The following U2SURP variants were observed in gnomAD, a reference collection of about 807,000 sequenced individuals.
The protein encoded by U2SURP is U2 snRNP associated SURP domain containing, also known as U2 snRNP-associated SURP motif-containing protein.
A neutral mutation model predicts 144.9 loss-of-function variants in U2SURP; 9 were observed. That is an observed-to-expected ratio of 0.06 (90% CI 0.04 to 0.11). U2SURP has a LOEUF of 0.11. U2SURP is among the 10% of genes least tolerant of loss of function. U2SURP has a pLI of 1.00. For missense variants in U2SURP, 724 were observed against 1,226.7 expected (o/e 0.59, Z 6.12); for synonymous variants, 408 against 396.8 (o/e 1.03, Z -0.33).
chr3:143,036,554 A>C (rs920151588), intron 20 of U2SURP, among the ~76,000 whole-genome samples: 1 of 152,124 alleles, frequency 6.6e-6, no homozygotes, highest in Admixed American at 6.6e-5. Context: ...TAATTCTGCC[A>C]TGCTAGTCAA....
chr3:143,051,003 G>C lies in U2SURP; in HGVS notation c.2609G>C (p.Ser870Thr). ...SGKRPKKPGQSFQEQVEHYRD... is the reference protein window; with the variant it reads ...SGKRPKKPGQTFQEQVEHYRD... ...AAAAGACCTAAAAAACCAGGCCAGA[G>C]TTTTCAGGAGCAAGTAGAACACTAC... Residue 870 changes from serine (S) to threonine (T), a missense_variant, in exon 25 of 28, where the codon AGT (serine) becomes ACT (threonine). By Grantham distance (58) the Ser-to-Thr change is moderately conservative. This residue lies in a region of U2SURP where 129 missense variants were observed against 196.1 expected (regional missense o/e 0.66). Transcript: ENST00000473835. 2 of 1,613,240 alleles carry C rather than the reference G, an allele frequency of 1.2e-6. No homozygotes were observed. Among genetic ancestry groups the C allele is most frequent in the South Asian group, 1.1e-5 (1 of 90,904 alleles).
chr3:143,054,861 A>G (rs1292672171), intron 26 of U2SURP, 82 bp from the exon 27 acceptor site: 35 of 1,381,450 alleles, frequency 2.5e-5, no homozygotes, highest in Middle Eastern at 3.8e-4. Flanking sequence ...GCTGGTAGCA[A>G]TTAATAGCTA....
At position 143,038,944 on chromosome 3, in the gene U2SURP, G is replaced by A. The variant is rs1375802680; in HGVS notation, c.2368G>A (p.Glu790Lys). The change falls in exon 23 of 28, where the codon GAA (glutamate) becomes AAA (lysine). Residue 790 changes from glutamate to lysine, a missense_variant. By Grantham distance (56) the Glu-to-Lys change is moderately conservative. Coordinates refer to ENST00000473835, the MANE Select transcript of U2SURP (RefSeq NM_001080415.2). ...ATTTGACCAGCATGAAGAATCAGAA[G>A]AAGAAGAAAATCAAAAGTAAGAATC... ...ELFDQHEESE[E>K]EENQNQEEES... 6.5e-7 allele frequency: 1 copy of A among 1,538,512 alleles called. No individual in the cohort carries two copies.
chr3:143,032,701 A>ACTT, intron 16 of U2SURP, 83 bp from the exon 17 acceptor site: 1 of 1,274,980 alleles, frequency 7.8e-7, no homozygotes, highest in Non-Finnish European at 1.1e-6. Flanking sequence ...GTAGGTTTTA[A>ACTT]AGAAATTAGT....
chr3:143,046,950 G>A (rs1934506676), intron 24 of U2SURP, among the ~76,000 whole-genome samples: 1 of 62,936 alleles, frequency 1.6e-5, no homozygotes, highest in African/African-American at 8.0e-5. Context: ...GCAGGGGGCT[G>A]ACCTCCCCCA....
At chr3:143,017,028 T>G in intron 6 of U2SURP, 53 bp downstream of exon 6, 1 of 1,501,576 alleles carries the variant, frequency 6.7e-7, no homozygotes, top group South Asian at 1.4e-5. Context: ...ACACTGCCAG[T>G]GATACTTCCA....
At chr3:143,054,848 T>G in intron 26 of U2SURP, 95 bp from the exon 27 acceptor site, 1 of 1,273,104 alleles carries the variant, frequency 7.9e-7, no homozygotes, top group Non-Finnish European at 1.1e-6. Flanking sequence ...AATAAAAGAG[T>G]AAGCTGGTAG....
chr3:143,058,075 G>A lies in U2SURP; in HGVS notation c.*1625G>A, dbSNP rs1018529635. 2 of 152,302 alleles carry A rather than the reference G, an allele frequency of 1.3e-5. No individual in the cohort carries two copies. Among genetic ancestry groups the A allele is most frequent in the East Asian group, 3.8e-4 (2 of 5,196 alleles). The allele number at this position is 152,302 out of a possible 1,614,324, so 9.4% of individuals were successfully genotyped here. ...AAATTTGTTCAGAATAATTAAAAGTGAACATTTGGTGCTGATACTCAAAAA... is the reference window on the plus strand; with the variant it reads ...AAATTTGTTCAGAATAATTAAAAGTAAACATTTGGTGCTGATACTCAAAAA... On this transcript the variant is annotated 3_prime_UTR_variant, in exon 28 of 28. Transcript: ENST00000473835.
At chr3:143,020,093 C>T (rs2108281702) in intron 7 of U2SURP, 57 bp downstream of exon 7, 2 of 1,086,588 alleles carry the variant, frequency 1.8e-6, no homozygotes, top group Non-Finnish European at 2.6e-6. Context: ...GATACATAAA[C>T]AGATGCAAGT....
rs1362676666 is a variant in U2SURP at position 143,038,172 on chromosome 3, A to G, written c.2286A>G (p.Glu762=). ...PIFKVAPSKW[E]AVDESELEAQ... ...TTAAAGTTGCCCCATCAAAATGGGA[A>G]GCTGTGGATGAATCTGAATTGGAAG... Residue 762 remains glutamate, a synonymous_variant, in exon 22 of 28, where the codon GAA becomes GAG. Coordinates refer to ENST00000473835, the MANE Select transcript of U2SURP (RefSeq NM_001080415.2). 1 of 1,608,422 alleles carries G rather than the reference A, an allele frequency of 6.2e-7. No homozygotes were observed.
At chr3:143,028,775 A>ATCTT (rs1933306915) in intron 16 of U2SURP, 129 bp downstream of exon 16, 1 of 721,552 alleles carries the variant, frequency 1.4e-6, no homozygotes, top group Non-Finnish European at 2.2e-6. Flanking sequence ...AAATAGTAAC[A>ATCTT]TCTTTCATCA....
At chr3:143,053,835 A>G (rs750247517) in intron 26 of U2SURP, 41 bp downstream of exon 26, 19 of 1,457,716 alleles carry the variant, frequency 1.3e-5, no homozygotes, top group African/African-American at 2.8e-5. Context: ...ACTGGTTTCA[A>G]GATTTGCAGT....
rs138295698 is a variant in U2SURP at position 143,018,849 on chromosome 3, C to T, written c.571-1120C>T. On this transcript the variant is annotated intron_variant, in intron 6 of 27. Coordinates refer to ENST00000473835, the MANE Select transcript of U2SURP (RefSeq NM_001080415.2). ...CTGAGGCAGGAGAATCGCTTGAACT[C>T]GGGAGGCAGAGGTTGTGGTGAGCCA... Among the ~76,000 whole-genome samples the T allele has an allele frequency of 8.6e-3, 1,309 of 152,194 alleles. 22 individuals carry two copies. Among genetic ancestry groups the T allele is most frequent in the African/African-American group, 0.03 (1,234 of 41,526 alleles).
intron 2 of U2SURP, 196 bp from the exon 3 acceptor site, chr3:143,012,026 G>C: frequency 1.4e-6 from 1 of 705,872 alleles, no homozygotes; most frequent in Non-Finnish European, 2.5e-6. Flanking sequence ...TCAAGCTTGT[G>C]AGTTAGAGTT....
At chr3:143,019,912 A>G (rs1936552836) in intron 6 of U2SURP, 57 bp from the exon 7 acceptor site, 1 of 942,364 alleles carries the variant, frequency 1.1e-6, no homozygotes, top group Non-Finnish European at 1.5e-6. Context: ...CTTATTATTG[A>G]ATCATTGGTT....
In U2SURP at chr3:143,053,692, TAGAAAG is replaced by T. The variant is rs1215370296; in HGVS notation, c.2677_2682del (p.Glu896_Arg897del). On this transcript the variant is annotated inframe_deletion, in exon 26 of 28. Transcript: ENST00000473835. The stretch of plus-strand genomic sequence containing the variant: ...AAATAACAGGAGAAAGAGAAAGAGT[TAGAAAG>T]AGAACGAGAAAGAGACAAGAAAGAT... 4.7e-6 allele frequency: 7 copies of T among 1,495,230 alleles called. No individual in the cohort carries two copies. Among genetic ancestry groups the T allele is most frequent in the African/African-American group, 1.4e-5 (1 of 71,426 alleles). The allele number at this position is 1,495,230 out of a possible 1,614,324, so 92.6% of individuals were successfully genotyped here.
intron 24 of U2SURP, among the ~76,000 whole-genome samples, chr3:143,044,831 A>T (rs970740270): frequency 1.3e-5 from 2 of 152,210 alleles, no homozygotes; most frequent in Non-Finnish European, 2.9e-5. Context: ...TCTTTGTCAG[A>T]CATCACCAAA....
At chr3:143,007,733 G>A (rs1455926998) in intron 1 of U2SURP, among the ~76,000 whole-genome samples, 2 of 152,052 alleles carry the variant, frequency 1.3e-5, no homozygotes, top group East Asian at 3.9e-4. Context: ...GTGAGCCACC[G>A]CGCCCGGCCG....
At position 143,012,336 on chromosome 3, in the gene U2SURP, C is replaced by G; in HGVS notation, c.205C>G (p.His69Asp). ...SARESLCDSP[H>D]QNLSRPLLEN... The stretch of plus-strand genomic sequence containing the variant: ...CCGTGAAAGCCTTTGTGATTCTCCT[C>G]ATCAGAATCTCTCAAGAGTGAGTAT... Residue 69 changes from histidine to aspartate, a missense_variant, in exon 3 of 28, where the codon CAT becomes GAT. His to Asp is a moderately conservative substitution (Grantham distance 81). This residue lies in a region of U2SURP where 127 missense variants were observed against 98.2 expected (regional missense o/e 1.29). Coordinates refer to ENST00000473835, the MANE Select transcript of U2SURP (RefSeq NM_001080415.2). 1 of 1,611,736 alleles carries G rather than the reference C, an allele frequency of 6.2e-7. No individual in the cohort carries two copies. Among genetic ancestry groups the G allele is most frequent in the Non-Finnish European group, 8.5e-7 (1 of 1,178,740 alleles).
Sources: gnomAD v4.1 joint callset for allele counts (sites outside exome capture counted in the v4.1 genomes callset) on GRCh38, gnomAD v4.1.1 for gene constraint, gnomAD v4.1.1 regional missense constraint, MANE v1.5 for transcripts, NCBI Gene and HGNC (gene_info 2026-07-23, HGNC 2026-07-21) for gene names.